Variants in MACROD2 observed in about 807,000 individuals in gnomAD.
MACROD2 encodes mono-ADP ribosylhydrolase 2, also known as ADP-ribose glycohydrolase MACROD2.
In MACROD2, 36 loss-of-function variants were observed where a neutral mutation model predicts 70.4. The ratio of observed to expected loss-of-function variants is 0.51; its 90% confidence interval spans 0.39 to 0.68. The LOEUF (loss-of-function observed/expected upper bound fraction) is 0.68. Ranked by LOEUF, MACROD2 falls within the 30% of genes least tolerant of loss-of-function variation. The pLI is 0.00. For synonymous variants in MACROD2, 172 were observed against 178.8 expected (o/e 0.96, Z 0.30); for missense variants, 496 against 538.4 (o/e 0.92, Z 0.78).
chr20:15,837,990 A>G (rs1382663578), intron 8 of MACROD2, among the ~76,000 whole-genome samples: 1 of 152,176 alleles, frequency 6.6e-6, no homozygotes, highest in Non-Finnish European at 1.5e-5. Flanking sequence ...TTTTTGTAGC[A>G]CTAAGTAGGA....
chr20:15,713,535 AGG>A (rs2050658884), intron 8 of MACROD2, among the ~76,000 whole-genome samples: 1 of 109,440 alleles, frequency 9.1e-6, no homozygotes, highest in South Asian at 3.5e-4. Context: ...CCTCGATGGC[AGG>A]AGAGAGAGAG....
At position 16,017,879 on chromosome 20, in the gene MACROD2, C is replaced by G. The variant is rs78142859; in HGVS notation, c.1154-23322C>G. On this transcript the variant is annotated intron_variant, in intron 15 of 17. Coordinates refer to ENST00000684519, the MANE Select transcript of MACROD2 (RefSeq NM_001351661.2). The stretch of plus-strand genomic sequence containing the variant: ...TGAGATGCATGCCCCCATGACAGCA[C>G]CAGCCACATGGTGCTGAAATGATAT... 1.4e-4 allele frequency among the ~76,000 whole-genome samples: 22 copies of G among 152,286 alleles called. No individual in the cohort carries two copies. In the East Asian group the frequency reaches 4.1e-3, roughly 28 times the overall value.
intron 8 of MACROD2, among the ~76,000 whole-genome samples, chr20:15,557,070 G>A (rs1439345887): frequency 6.6e-6 from 1 of 152,102 alleles, no homozygotes; most frequent in African/African-American, 2.4e-5. Flanking sequence ...AATTAAAGAG[G>A]AATTGGCAGC....
intron 3 of MACROD2, among the ~76,000 whole-genome samples, chr20:14,276,444 A>C (rs912913774): frequency 8.0e-6 from 1 of 124,522 alleles, no homozygotes; most frequent in African/African-American, 3.1e-5. Context: ...ACATGGACAC[A>C]GGAAGGGGAA....
intron 5 of MACROD2, among the ~76,000 whole-genome samples, chr20:14,870,738 A>C (rs1600749748): frequency 6.6e-6 from 1 of 151,964 alleles, no homozygotes; most frequent in Non-Finnish European, 1.5e-5. Flanking sequence ...GGCCATGTGT[A>C]TGCTTTCTTT....
At chr20:15,097,804 C>G (rs1255521053) in intron 5 of MACROD2, among the ~76,000 whole-genome samples, 21 of 152,148 alleles carry the variant, frequency 1.4e-4, no homozygotes, top group Non-Finnish European at 2.6e-4. Context: ...TTTCTATCGA[C>G]AAACACGTAG....
chr20:14,842,578 A>T (rs2073098618), intron 5 of MACROD2, among the ~76,000 whole-genome samples: 1 of 152,124 alleles, frequency 6.6e-6, no homozygotes, highest in African/African-American at 2.4e-5. Context: ...TAAGGCAGAT[A>T]TAATAGCTTT....
At chr20:15,613,539 G>T (rs893506052) in intron 8 of MACROD2, among the ~76,000 whole-genome samples, 21 of 152,118 alleles carry the variant, frequency 1.4e-4, no homozygotes, top group Admixed American at 7.9e-4. Context: ...TTAGCATGTG[G>T]TGTTTTTTCT....
intron 4 of MACROD2, among the ~76,000 whole-genome samples, chr20:14,534,157 G>C (rs1032992724): frequency 2.1e-4 from 32 of 152,278 alleles, no homozygotes; most frequent in African/African-American, 6.7e-4. Context: ...ATCCAGCTGT[G>C]AAAGCCTAAA....
chr20:14,395,864 AT>A (rs2122818388), intron 3 of MACROD2, among the ~76,000 whole-genome samples: 1 of 152,178 alleles, frequency 6.6e-6, no homozygotes, highest in East Asian at 1.9e-4. Flanking sequence ...GAAGTGTGTA[AT>A]TTAGTTTCCA....
intron 5 of MACROD2, among the ~76,000 whole-genome samples, chr20:14,726,050 T>C (rs1415603595): frequency 6.6e-6 from 1 of 152,184 alleles, no homozygotes; most frequent in Non-Finnish European, 1.5e-5. Context: ...GAAATTCCAA[T>C]TGATAAAAAT....
At chr20:15,914,236 A>G (rs1336883650) in intron 10 of MACROD2, among the ~76,000 whole-genome samples, 1 of 152,194 alleles carries the variant, frequency 6.6e-6, no homozygotes, top group Non-Finnish European at 1.5e-5. Context: ...ACCTGTGTTT[A>G]TTGGAAAACA....
chr20:14,376,194 T>C (rs1003318634), intron 3 of MACROD2, among the ~76,000 whole-genome samples: 27 of 152,300 alleles, frequency 1.8e-4, no homozygotes, highest in African/African-American at 6.5e-4. Flanking sequence ...ATTGGAGATA[T>C]TACATTTTAT....
At chr20:14,710,463 T>C (rs1013996769) in intron 5 of MACROD2, among the ~76,000 whole-genome samples, 1 of 152,240 alleles carries the variant, frequency 6.6e-6, no homozygotes, top group Admixed American at 6.5e-5. Flanking sequence ...TACAGTTTCA[T>C]CTTGCATACT....
At chr20:15,020,047 C>A (rs2075152587) in intron 5 of MACROD2, among the ~76,000 whole-genome samples, 1 of 152,066 alleles carries the variant, frequency 6.6e-6, no homozygotes, top group Non-Finnish European at 1.5e-5. Flanking sequence ...TCAAGTTGAT[C>A]ATAAATACGT....
At chr20:15,471,239 G>A (rs1410813321) in intron 7 of MACROD2, among the ~76,000 whole-genome samples, 1 of 152,090 alleles carries the variant, frequency 6.6e-6, no homozygotes, top group African/African-American at 2.4e-5. Flanking sequence ...AACTTCTGTT[G>A]CTTCTCAGCT....
chr20:14,137,569 C>A (rs895171991), intron 3 of MACROD2, among the ~76,000 whole-genome samples: 1 of 152,118 alleles, frequency 6.6e-6, no homozygotes. Context: ...GTGAAAACTT[C>A]ATATCCACCA....
intron 7 of MACROD2, among the ~76,000 whole-genome samples, chr20:15,444,882 G>T (rs1162637886): frequency 6.6e-6 from 1 of 152,158 alleles, no homozygotes; most frequent in East Asian, 1.9e-4. Flanking sequence ...TCATGGGGTT[G>T]TTGCAAAGAT....
intron 5 of MACROD2, among the ~76,000 whole-genome samples, chr20:14,887,215 A>G (rs2073688500): frequency 6.6e-6 from 1 of 152,100 alleles, no homozygotes; most frequent in South Asian, 2.1e-4. Flanking sequence ...TCTATGCTGA[A>G]CTAATGCTAG....
Sources: allele counts gnomAD v4.1 joint callset (sites outside exome capture counted in the v4.1 genomes callset), GRCh38; gene constraint gnomAD v4.1.1; transcripts MANE v1.5; gene names NCBI Gene and HGNC (gene_info 2026-07-23, HGNC 2026-07-21).